Variants in NRXN3 observed in about 807,000 individuals in gnomAD.
NRXN3 encodes neurexin III.
A neutral mutation model predicts 137.6 loss-of-function variants in NRXN3; 32 were observed. The ratio of observed to expected loss-of-function variants is 0.23; its 90% CI spans 0.18 to 0.31. The LOEUF (loss-of-function observed/expected upper bound fraction) is 0.31. Among genes scored for constraint, NRXN3 ranks in the 10% least tolerant of loss-of-function variants. The pLI, the probability that NRXN3 is intolerant of heterozygous loss-of-function variation, is 1.00. For synonymous variants in NRXN3, 798 were observed against 784.5 expected (o/e 1.02, Z -0.29); for missense variants, 1,574 against 2,062.5 (o/e 0.76, Z 4.59).
intron 4 of NRXN3, among the ~76,000 whole-genome samples, chr14:78,384,759 A>G (rs1276358844): frequency 6.6e-6 from 1 of 152,164 alleles, no homozygotes; most frequent in Non-Finnish European, 1.5e-5. Flanking sequence ...TCCATGGAGC[A>G]CAATTAGGAA....
chr14:78,708,642 G>A (rs899376111), intron 6 of NRXN3: 1 of 152,210 alleles, frequency 6.6e-6, no homozygotes, highest in African/African-American at 2.4e-5. Flanking sequence ...TATGCTTACT[G>A]GAGCATATAT....
chr14:78,592,052 C>T (rs1469850323), intron 4 of NRXN3, among the ~76,000 whole-genome samples: 1 of 152,094 alleles, frequency 6.6e-6, no homozygotes, highest in Non-Finnish European at 1.5e-5. Context: ...AGACCTATTA[C>T]GGTTATGTAA....
intron 8 of NRXN3, among the ~76,000 whole-genome samples, chr14:78,759,449 T>C (rs2098683368): frequency 6.6e-6 from 1 of 152,224 alleles, no homozygotes; most frequent in South Asian, 2.1e-4. Flanking sequence ...TACCCAGATA[T>C]AACCATTGTA....
intron 4 of NRXN3, among the ~76,000 whole-genome samples, chr14:78,556,620 C>A (rs2096739171): frequency 6.6e-6 from 1 of 152,172 alleles, no homozygotes; most frequent in Non-Finnish European, 1.5e-5. Context: ...CATTTCCATG[C>A]ACCTGCATTC....
intron 10 of NRXN3, among the ~76,000 whole-genome samples, chr14:78,954,767 G>GTT (rs531410595): frequency 0.02 from 2,580 of 130,046 alleles, 81 homozygotes; most frequent in African/African-American, 0.069. Context: ...ACCTGGCCTG[G>GTT]TTTTTTTTTT....
At chr14:79,754,883 C>T (rs1389648672) in intron 19 of NRXN3, among the ~76,000 whole-genome samples, 2 of 151,984 alleles carry the variant, frequency 1.3e-5, no homozygotes, top group East Asian at 3.9e-4. Flanking sequence ...AGGCTCTTCC[C>T]CCTTCGCTCT....
intron 10 of NRXN3, among the ~76,000 whole-genome samples, chr14:78,950,410 A>G (rs1052331921): frequency 2.6e-5 from 4 of 152,170 alleles, no homozygotes; most frequent in African/African-American, 7.2e-5. Context: ...GATTCATTCC[A>G]TTTCAAAATT....
intron 4 of NRXN3, among the ~76,000 whole-genome samples, chr14:78,487,488 A>G (rs1276237911): frequency 6.6e-6 from 1 of 152,166 alleles, no homozygotes; most frequent in East Asian, 1.9e-4. Context: ...CACACCTGTA[A>G]TCCCAACACT....
intron 14 of NRXN3, among the ~76,000 whole-genome samples, chr14:78,986,405 T>C (rs988582733): frequency 2.0e-5 from 3 of 151,874 alleles, no homozygotes; most frequent in African/African-American, 7.3e-5. Flanking sequence ...AGGCAGAAAA[T>C]GTCAGTAAAA....
At chr14:79,198,888 C>T (rs1472586374) in intron 15 of NRXN3, among the ~76,000 whole-genome samples, 1 of 152,176 alleles carries the variant, frequency 6.6e-6, no homozygotes. Flanking sequence ...GCAAAACTGG[C>T]CAGGTGCGGT....
At chr14:78,828,990 A>G (rs1217372957) in intron 10 of NRXN3, among the ~76,000 whole-genome samples, 1 of 152,170 alleles carries the variant, frequency 6.6e-6, no homozygotes, top group Non-Finnish European at 1.5e-5. Context: ...TGATACTTGA[A>G]TGATGAGAAG....
intron 6 of NRXN3, among the ~76,000 whole-genome samples, chr14:78,691,528 T>C (rs755528223): frequency 6.6e-6 from 1 of 152,218 alleles, no homozygotes; most frequent in Non-Finnish European, 1.5e-5. Flanking sequence ...GATGGAATTC[T>C]AGTGGATGCC....
At chr14:79,264,748 A>G (rs1394218079) in intron 15 of NRXN3, among the ~76,000 whole-genome samples, 1 of 152,210 alleles carries the variant, frequency 6.6e-6, no homozygotes, top group Non-Finnish European at 1.5e-5. Context: ...TCCCAAACTG[A>G]TAAACACATT....
chr14:79,240,364 T>C (rs2074081979), intron 15 of NRXN3, among the ~76,000 whole-genome samples: 1 of 152,106 alleles, frequency 6.6e-6, no homozygotes, highest in African/African-American at 2.4e-5. Context: ...CCTGTTACCT[T>C]GCAAAGGTAG....
In NRXN3 at chr14:78,758,095, G is replaced by A. The variant is rs139264065; in HGVS notation, c.2044+42956G>A. 2.5e-3 allele frequency among the ~76,000 whole-genome samples: 383 copies of A among 152,234 alleles called. 5 individuals are homozygous for A. The highest frequency in any genetic ancestry group is 8.9e-3 in the African/African-American group (371 of 41,548). ...CTGGGAGAATGAAGTTATCTTTTGTGGATAAGGGCTGTGCAAAATGAACAT... is the reference window on the plus strand; with the variant it reads ...CTGGGAGAATGAAGTTATCTTTTGTAGATAAGGGCTGTGCAAAATGAACAT... On this transcript the variant is annotated intron_variant, in intron 8 of 20. Coordinates refer to ENST00000335750, the MANE Select transcript of NRXN3 (RefSeq NM_001330195.2).
rs540337411 is a variant in NRXN3, at chr14:79,354,288, C to T, written c.3263-112933C>T. On this transcript the variant is annotated intron_variant, in intron 15 of 20. Transcript: ENST00000335750. ...ACCTAAAATACACTAGTAAACACTG[C>T]GTTTTAAAAATATGGTATCAATGAT... is the stretch of plus-strand genomic sequence containing the variant. 2.6e-5 allele frequency among the ~76,000 whole-genome samples: 4 copies of T among 152,018 alleles called. No individual in the cohort carries two copies. In the East Asian group the frequency reaches 5.8e-4, roughly 22 times the overall value.
chr14:79,386,716 A>G (rs1420740512), intron 15 of NRXN3, among the ~76,000 whole-genome samples: 1 of 152,160 alleles, frequency 6.6e-6, no homozygotes, highest in African/African-American at 2.4e-5. Flanking sequence ...ACAAGGCTAC[A>G]GTAACCAAAA....
chr14:79,547,403 CAT>C (rs1357856186), intron 16 of NRXN3, among the ~76,000 whole-genome samples: 10 of 152,308 alleles, frequency 6.6e-5, no homozygotes, highest in Admixed American at 2.0e-4. Flanking sequence ...TCCACACACA[CAT>C]GATATGCTGA....
rs779008353 is a variant in NRXN3 at position 78,714,764 on chromosome 14, T to A, written c.1669T>A (p.Ser557Thr). 2 of 1,613,530 alleles carry A rather than the reference T, an allele frequency of 1.2e-6. No homozygotes were observed. The highest frequency in any genetic ancestry group is 1.7e-6 in the Non-Finnish European group (2 of 1,179,634). The part of the protein sequence containing the change: ...IQRDGRSGTI[S>T]VNSRRTPFTA... ...CTGTCTTCCCACCCCAGGTACTATATCAGTGAACAGCAGGCGCACGCCATT... is the reference window on the plus strand; with the variant it reads ...CTGTCTTCCCACCCCAGGTACTATAACAGTGAACAGCAGGCGCACGCCATT... Residue 557 changes from serine (S) to threonine (T), a missense_variant, in exon 8 of 21, where the codon TCA (serine) becomes ACA (threonine). Ser to Thr is a moderately conservative substitution (Grantham distance 58). Around this residue, in one of 5 missense-constraint regions of NRXN3, gnomAD observed 718 missense variants for 887.6 expected, o/e 0.81. Transcript: ENST00000335750.
Sources: allele counts gnomAD v4.1 joint callset (sites outside exome capture counted in the v4.1 genomes callset), GRCh38; gene constraint gnomAD v4.1.1; regional missense constraint gnomAD v4.1.1; transcripts MANE v1.5; gene names NCBI Gene and HGNC (gene_info 2026-07-23, HGNC 2026-07-21).